PIWIL2: variants seen among roughly 807,000 people sequenced by gnomAD.
The protein encoded by PIWIL2 is piwi-like protein 2.
PIWIL2 carries 81 observed loss-of-function variants against 116.5 expected under a neutral mutation model. The ratio of observed to expected loss-of-function variants is 0.70; its 90% CI spans 0.58 to 0.84. The LOEUF is 0.84. Among genes scored for constraint, PIWIL2 ranks in the 40% least tolerant of loss-of-function variants. PIWIL2 has a pLI of 0.00. For missense variants in PIWIL2, 1,272 were observed against 1,212.3 expected, an observed-to-expected ratio of 1.05 and a Z score of -0.73; for synonymous variants, 489 against 429.5, an observed-to-expected ratio of 1.14 and a Z score of -1.71.
chr8:22,345,136 C>T (rs1248438688), intron 20 of PIWIL2, among the ~76,000 whole-genome samples: 1 of 152,172 alleles, frequency 6.6e-6, no homozygotes, highest in Non-Finnish European at 1.5e-5. Flanking sequence ...GAGGATCACA[C>T]CTGTGAATAG....
chr8:22,342,763 A>T (rs903938906), intron 20 of PIWIL2, among the ~76,000 whole-genome samples: 4 of 152,226 alleles, frequency 2.6e-5, no homozygotes, highest in Non-Finnish European at 5.9e-5. Context: ...TAAATTTTTC[A>T]TCGAAAATTC....
chr8:22,287,580 G>A lies in PIWIL2; in HGVS notation c.796G>A (p.Ala266Thr), dbSNP rs776811356. The change falls in exon 7 of 23, where the codon GCT becomes ACT. Residue 266 changes from alanine to threonine, a missense_variant. Coordinates refer to ENST00000356766, the MANE Select transcript of PIWIL2 (RefSeq NM_018068.5). Reference protein sequence around the residue: ...MRFGMLKDHQAVTGNVTAFDG... With the variant: ...MRFGMLKDHQTVTGNVTAFDG... ...GTTCGGCATGTTGAAGGACCATCAA[G>A]CTGTCACCGGCAACGTCACTGCGTT... is the stretch of plus-strand genomic sequence containing the variant. 1 of 1,613,996 alleles carries A rather than the reference G, an allele frequency of 6.2e-7. No individual in the cohort carries two copies. Among genetic ancestry groups the A allele is most frequent in the South Asian group, 1.1e-5 (1 of 91,084 alleles).
intron 10 of PIWIL2, among the ~76,000 whole-genome samples, chr8:22,294,139 A>G (rs1586547088): frequency 6.6e-6 from 1 of 151,440 alleles, no homozygotes; most frequent in East Asian, 2.0e-4. Flanking sequence ...GCAGTTCAAG[A>G]CCAGCCTGGC....
At chr8:22,333,709 G>C (rs1020378928) in intron 20 of PIWIL2, among the ~76,000 whole-genome samples, 12 of 152,156 alleles carry the variant, frequency 7.9e-5, no homozygotes, top group Admixed American at 7.9e-4. Flanking sequence ...GCCTGGGGCT[G>C]GGGTCGAGGA....
intron 16 of PIWIL2, among the ~76,000 whole-genome samples, chr8:22,311,653 C>T (rs1831334426): frequency 1.3e-5 from 2 of 152,202 alleles, no homozygotes; most frequent in African/African-American, 4.8e-5. Context: ...TGCCTCAGTC[C>T]GGCCTGGTTC....
chr8:22,338,445 C>G (rs192139814), intron 20 of PIWIL2, among the ~76,000 whole-genome samples: 1 of 152,214 alleles, frequency 6.6e-6, no homozygotes, highest in East Asian at 1.9e-4. Flanking sequence ...AATCTTAGCA[C>G]TTTAGAAGAC....
At chr8:22,330,665 C>G (rs919752902) in intron 20 of PIWIL2, among the ~76,000 whole-genome samples, 4 of 151,086 alleles carry the variant, frequency 2.6e-5, no homozygotes, top group African/African-American at 9.7e-5. Flanking sequence ...CCACTGCACT[C>G]CAGCCTGGGC....
Position 22,304,799 on chromosome 8 carries a change from C to T in PIWIL2, c.1386C>T (p.Ile462=). 1 of 1,612,838 alleles carries T rather than the reference C, an allele frequency of 6.2e-7. No homozygotes were observed. Among genetic ancestry groups the T allele is most frequent in the Non-Finnish European group, 8.5e-7 (1 of 1,178,906 alleles). ...FLEYYSKNYG[I]TVKEEDQPLL... Reference sequence around the variant, plus strand: ...TCTGCTCTAGCAAAAATTATGGGATCACAGTTAAGGAAGAGGACCAGCCAT... The same window carrying T: ...TCTGCTCTAGCAAAAATTATGGGATTACAGTTAAGGAAGAGGACCAGCCAT... Residue 462 remains isoleucine (I), a synonymous_variant, in exon 12 of 23, where the codon ATC becomes ATT. Coordinates refer to ENST00000356766, the MANE Select transcript of PIWIL2 (RefSeq NM_018068.5).
In PIWIL2 at chr8:22,315,026, T is replaced by C. The variant is rs2132051040; in HGVS notation, c.2092-3T>C. 1 of 1,589,970 alleles carries C rather than the reference T, an allele frequency of 6.3e-7. No individual in the cohort carries two copies. The highest frequency in any genetic ancestry group is 8.6e-7 in the Non-Finnish European group (1 of 1,157,992). The stretch of plus-strand genomic sequence containing the variant: ...CTGACACCTTTTGGTCCCTTCATTA[T>C]AGGTTGTCAATGTTCGAACCATTGG... On this transcript the variant is annotated splice_polypyrimidine_tract_variant and splice_region_variant and intron_variant, in intron 17 of 22. Coordinates refer to ENST00000356766, the MANE Select transcript of PIWIL2 (RefSeq NM_018068.5).
intron 20 of PIWIL2, among the ~76,000 whole-genome samples, chr8:22,334,480 C>T (rs1404398617): frequency 1.3e-5 from 2 of 150,902 alleles, no homozygotes; most frequent in East Asian, 4.0e-4. Context: ...CAAGATCTTG[C>T]CACTGCACTC....
intron 20 of PIWIL2, among the ~76,000 whole-genome samples, chr8:22,336,300 T>C (rs932728996): frequency 3.3e-5 from 5 of 151,992 alleles, no homozygotes; most frequent in Admixed American, 6.6e-5. Context: ...CAACCCACAA[T>C]AGAATGAAAT....
At chr8:22,288,737 A>G in intron 8 of PIWIL2, 71 bp downstream of exon 8, 1 of 1,349,628 alleles carries the variant, frequency 7.4e-7, no homozygotes, top group Non-Finnish European at 1.0e-6. Context: ...TCTTCAAGAT[A>G]CTTGGATGGA....
At chr8:22,333,664 C>T (rs1385601849) in intron 20 of PIWIL2, among the ~76,000 whole-genome samples, 2 of 151,952 alleles carry the variant, frequency 1.3e-5, no homozygotes, top group Admixed American at 6.6e-5. Flanking sequence ...ATGTTCAGAA[C>T]ACGAACATCT....
intron 6 of PIWIL2, among the ~76,000 whole-genome samples, chr8:22,285,374 C>T (rs1191662848): frequency 6.6e-6 from 1 of 152,186 alleles, no homozygotes; most frequent in Non-Finnish European, 1.5e-5. Context: ...CTCTCCAGAT[C>T]CTTTCATACT....
Position 22,280,653 on chromosome 8 carries a change from A to G in PIWIL2, c.199-467A>G, listed in dbSNP as rs1200398984. On this transcript the variant is annotated intron_variant, in intron 2 of 22. Transcript: ENST00000356766. ...AGACATTCAAGACTGCCACAGGAAA[A>G]CAGTAGCAGGTTACACAAACCTCTG... 3.3e-5 allele frequency among the ~76,000 whole-genome samples: 5 copies of G among 152,230 alleles called. No individual in the cohort carries two copies. In the East Asian group the frequency reaches 9.6e-4, roughly 29 times the overall value.
intron 1 of PIWIL2, among the ~76,000 whole-genome samples, chr8:22,278,349 G>A (rs972978359): frequency 3.9e-5 from 6 of 151,968 alleles, no homozygotes; most frequent in South Asian, 2.1e-4. Flanking sequence ...GCAAGACCCC[G>A]TCTGTACAAA....
At chr8:22,348,295 A>G (rs529028252) in intron 20 of PIWIL2, among the ~76,000 whole-genome samples, 5 of 152,220 alleles carry the variant, frequency 3.3e-5, no homozygotes, top group South Asian at 2.1e-4. Flanking sequence ...GCGAGACTCC[A>G]TCTCAAAAAT....
At chr8:22,328,380 A>G (rs193299029) in intron 20 of PIWIL2, among the ~76,000 whole-genome samples, 1 of 151,738 alleles carries the variant, frequency 6.6e-6, no homozygotes, top group Non-Finnish European at 1.5e-5. Context: ...TTCCAACTTT[A>G]TTTTTCTTTT....
chr8:22,347,837 T>C (rs1000504205), intron 20 of PIWIL2, among the ~76,000 whole-genome samples: 3 of 152,034 alleles, frequency 2.0e-5, no homozygotes, highest in Non-Finnish European at 4.4e-5. Context: ...GACTCATTCT[T>C]CATGCCTTTT....
Sources: gnomAD v4.1 joint callset for allele counts (sites outside exome capture counted in the v4.1 genomes callset) on GRCh38, gnomAD v4.1.1 for gene constraint, MANE v1.5 for transcripts, NCBI Gene and HGNC (gene_info 2026-07-23, HGNC 2026-07-21) for gene names.